Variants in SORCS3 observed in about 807,000 individuals in gnomAD.
The protein encoded by SORCS3 is sortilin related VPS10 domain containing receptor 3, also known as VPS10 domain-containing receptor SorCS3.
Under a neutral mutation model 146.3 loss-of-function variants are expected in SORCS3, and 57 were observed. The ratio of observed to expected loss-of-function variants is 0.39; its 90% CI spans 0.31 to 0.49. SORCS3 has a LOEUF of 0.49. SORCS3 is among the 20% of genes least tolerant of loss of function. The pLI, the probability that SORCS3 is intolerant of heterozygous loss-of-function variation, is 0.92. For missense variants in SORCS3, 1,341 were observed against 1,575.5 expected (o/e 0.85, Z 2.52); for synonymous variants, 653 against 618.5 (o/e 1.06, Z -0.83).
intron 20 of SORCS3, among the ~76,000 whole-genome samples, chr10:105,235,571 C>T (rs895056327): frequency 6.0e-5 from 9 of 151,238 alleles, no homozygotes; most frequent in African/African-American, 1.9e-4. Context: ...AAGTAAGGTA[C>T]GACCTCAGAC....
chr10:104,842,802 T>A lies in SORCS3; in HGVS notation c.638T>A (p.Ile213Asn). ...CCCAACCCCTTGCAGGTCATACTTA[T>A]CCTGACGAAGCTGTATGACTTCAAC... ...WSGHNSSVIL[I>N]LTKLYDFNLG... The change falls in exon 2 of 27, where the codon ATC becomes AAC. Residue 213 changes from isoleucine to asparagine, a missense_variant. Ile to Asn is a moderately radical substitution (Grantham distance 149). Coordinates refer to ENST00000369701, the MANE Select transcript of SORCS3 (RefSeq NM_014978.3). The A allele has an allele frequency of 6.2e-7, 1 of 1,613,848 alleles. No individual in the cohort carries two copies. Among genetic ancestry groups the A allele is most frequent in the Non-Finnish European group, 8.5e-7 (1 of 1,179,812 alleles).
intron 4 of SORCS3, among the ~76,000 whole-genome samples, chr10:104,979,704 C>T (rs2054921922): frequency 6.6e-6 from 1 of 152,144 alleles, no homozygotes; most frequent in Non-Finnish European, 1.5e-5. Flanking sequence ...AGGACACCCA[C>T]ATGACATTTG....
At chr10:104,658,676 C>G (rs549800325) in intron 1 of SORCS3, among the ~76,000 whole-genome samples, 2 of 152,186 alleles carry the variant, frequency 1.3e-5, no homozygotes, top group East Asian at 3.9e-4. Flanking sequence ...TTCTTAATTG[C>G]CTTAACAGTG....
chr10:105,077,188 T>C (rs1447170865), intron 5 of SORCS3, among the ~76,000 whole-genome samples: 2 of 152,214 alleles, frequency 1.3e-5, no homozygotes, highest in Non-Finnish European at 1.5e-5. Context: ...TATAAACTTA[T>C]GTGTTTTTAT....
intron 7 of SORCS3, among the ~76,000 whole-genome samples, chr10:105,111,763 C>T (rs1357079789): frequency 1.3e-5 from 2 of 152,182 alleles, no homozygotes; most frequent in Non-Finnish European, 2.9e-5. Flanking sequence ...GTGCAAAGCA[C>T]ATGTTGCTCT....
At chr10:104,736,030 C>T (rs2016767553) in intron 1 of SORCS3, among the ~76,000 whole-genome samples, 1 of 152,124 alleles carries the variant, frequency 6.6e-6, no homozygotes, top group African/African-American at 2.4e-5. Context: ...AACTCATTTT[C>T]TCTTTCATCT....
In SORCS3 at chr10:104,852,729, G is replaced by A. The variant is rs78752940; in HGVS notation, c.695+9870G>A. On this transcript the variant is annotated intron_variant, in intron 2 of 26. Transcript: ENST00000369701. ...TTCCTTCTGGCTCAGAGTGATGAGC[G>A]TAATCATTCATGCAGAAATCCATAG... is the stretch of plus-strand genomic sequence containing the variant. Among the ~76,000 whole-genome samples, 13 of 152,258 alleles carry A rather than the reference G, an allele frequency of 8.5e-5. No homozygotes were observed. In the East Asian group the frequency reaches 1.5e-3, roughly 18 times the overall value.
At position 104,976,131 on chromosome 10, in the gene SORCS3, C is replaced by A. The variant is rs551329173; in HGVS notation, c.796-1204C>A. Among the ~76,000 whole-genome samples the A allele has an allele frequency of 4.6e-5, 7 of 152,214 alleles. No homozygotes were observed. The East Asian group carries it at 5.8e-4, about 13-fold the overall frequency. The stretch of plus-strand genomic sequence containing the variant: ...CATCAGAGTGAACAGGCAACCCACA[C>A]AATGGGAGAAAATTTTCGCATCCTA... On this transcript the variant is annotated intron_variant, in intron 3 of 26. Transcript: ENST00000369701.
In SORCS3 at chr10:105,157,296, A is replaced by G. The variant is rs1240208035; in HGVS notation, c.1629+12A>G. 6.2e-7 allele frequency: 1 copy of G among 1,613,550 alleles called. No individual in the cohort carries two copies. Among genetic ancestry groups the G allele is most frequent in the Admixed American group, 1.7e-5 (1 of 60,004 alleles). On this transcript the variant is annotated intron_variant, in intron 10 of 26. Transcript: ENST00000369701. ...TGCACTGCCTGCTGGTCAGTCACTC[A>G]GCCTCATGGGAAGTTCACAGGGCAG...
intron 1 of SORCS3, among the ~76,000 whole-genome samples, chr10:104,767,554 T>G (rs2017194791): frequency 2.7e-5 from 4 of 145,876 alleles, no homozygotes; most frequent in South Asian, 2.4e-4. Context: ...CTTCTCCCCC[T>G]TCCCCCTTTC....
intron 2 of SORCS3, among the ~76,000 whole-genome samples, chr10:104,888,723 G>C (rs2018718537): frequency 6.6e-6 from 1 of 152,186 alleles, no homozygotes; most frequent in South Asian, 2.1e-4. Flanking sequence ...TCAGAGTAGA[G>C]AAAGACAAAT....
intron 1 of SORCS3, among the ~76,000 whole-genome samples, chr10:104,810,680 G>A (rs757030409): frequency 1.1e-4 from 16 of 152,184 alleles, no homozygotes; most frequent in Non-Finnish European, 1.9e-4. Context: ...GGGCCAGAGG[G>A]TATAAGTGTT....
intron 3 of SORCS3, among the ~76,000 whole-genome samples, chr10:104,948,781 A>C (rs2019399093): frequency 6.6e-6 from 1 of 152,224 alleles, no homozygotes; most frequent in African/African-American, 2.4e-5. Flanking sequence ...CTCCACATCC[A>C]GGATGCCCTT....
At chr10:105,109,764 ATTG>A (rs2055847221) in intron 7 of SORCS3, among the ~76,000 whole-genome samples, 1 of 152,016 alleles carries the variant, frequency 6.6e-6, no homozygotes, top group Non-Finnish European at 1.5e-5. Context: ...TGGCCAATAT[ATTG>A]TTATCAAATA....
chr10:104,999,514 T>C (rs1169972991), intron 4 of SORCS3, among the ~76,000 whole-genome samples: 1 of 152,212 alleles, frequency 6.6e-6, no homozygotes, highest in East Asian at 1.9e-4. Context: ...AATATTGTCC[T>C]GTGCTCTGAA....
chr10:105,005,017 G>C (rs1037928574), intron 4 of SORCS3, among the ~76,000 whole-genome samples: 1 of 152,150 alleles, frequency 6.6e-6, no homozygotes, highest in Non-Finnish European at 1.5e-5. Context: ...TTGTAATCGT[G>C]ATATAGTTCC....
intron 20 of SORCS3, among the ~76,000 whole-genome samples, chr10:105,238,524 G>A (rs555015766): frequency 6.6e-6 from 1 of 152,234 alleles, no homozygotes; most frequent in Non-Finnish European, 1.5e-5. Context: ...TGGAGGTCAG[G>A]CTTTGGGGAT....
chr10:104,720,811 G>C (rs533747522), intron 1 of SORCS3, among the ~76,000 whole-genome samples: 1 of 152,050 alleles, frequency 6.6e-6, no homozygotes, highest in Admixed American at 6.6e-5. Context: ...TTGCCCACTT[G>C]TTGATGGGGT....
intron 13 of SORCS3, among the ~76,000 whole-genome samples, chr10:105,173,416 T>C (rs1462613599): frequency 2.0e-5 from 3 of 152,204 alleles, no homozygotes; most frequent in Admixed American, 6.5e-5. Context: ...CAAATCAATA[T>C]TTTCCATGAC....
Sources: gnomAD v4.1 joint callset for allele counts (sites outside exome capture counted in the v4.1 genomes callset) on GRCh38, gnomAD v4.1.1 for gene constraint, MANE v1.5 for transcripts, NCBI Gene and HGNC (gene_info 2026-07-23, HGNC 2026-07-21) for gene names.